The following MAP2K6 variants were observed in gnomAD, a reference collection of about 807,000 sequenced individuals.
MAP2K6 encodes the protein mitogen-activated protein kinase kinase 6.
A neutral mutation model predicts 53.7 loss-of-function variants in MAP2K6; 16 were observed. The ratio of observed to expected loss-of-function variants is 0.30; its 90% CI spans 0.20 to 0.45. MAP2K6 has a LOEUF of 0.45. Among genes scored for constraint, MAP2K6 ranks in the 20% least tolerant of loss-of-function variants. MAP2K6 has a pLI of 1.00. For synonymous variants in MAP2K6, 132 were observed against 143.1 expected (o/e 0.92, Z 0.55); for missense variants, 204 against 411.9 (o/e 0.50, Z 4.37).
Position 69,443,371 on chromosome 17 carries a change from A to G in MAP2K6, c.16+28371A>G, listed in dbSNP as rs528950284. On this transcript the variant is annotated intron_variant, in intron 1 of 11. Coordinates refer to ENST00000590474, the MANE Select transcript of MAP2K6 (RefSeq NM_002758.4). ...CCATGGAGGCTGTGTAGTTCTTCCC[A>G]TTTGGCCAGGTTACAAGCTTCAGGA... 2.0e-5 allele frequency among the ~76,000 whole-genome samples: 3 copies of G among 152,130 alleles called. No individual in the cohort carries two copies. The South Asian group carries it at 6.2e-4, about 32-fold the overall frequency.
chr17:69,450,983 C>T (rs1053751243), intron 1 of MAP2K6, among the ~76,000 whole-genome samples: 17 of 152,082 alleles, frequency 1.1e-4, no homozygotes, highest in African/African-American at 4.1e-4. Context: ...TTTATGTGAG[C>T]TGGATCCAGA....
At chr17:69,465,570 G>A (rs1375726070) in intron 1 of MAP2K6, among the ~76,000 whole-genome samples, 2 of 151,808 alleles carry the variant, frequency 1.3e-5, no homozygotes, top group Non-Finnish European at 2.9e-5. Flanking sequence ...GAGGTGACAA[G>A]GTAGGGGATG....
intron 1 of MAP2K6, among the ~76,000 whole-genome samples, chr17:69,496,154 G>A (rs184946255): frequency 2.6e-5 from 4 of 152,084 alleles, no homozygotes; most frequent in Non-Finnish European, 5.9e-5. Context: ...TCTTAAAATG[G>A]GGCCATTTCC....
rs1411232691 is a variant in MAP2K6 at position 69,545,654 on chromosome 17, T to A, written c.*3901T>A. On this transcript the variant is annotated 3_prime_UTR_variant, in exon 12 of 12. Transcript: ENST00000590474. ...ATACTTAATAGTTCAGTGTTTTAAG[T>A]AATTAGGTCCCAACAGCTTAATAAT... 2 of 152,204 alleles carry A rather than the reference T, an allele frequency of 1.3e-5. No homozygotes were observed. Among genetic ancestry groups the A allele is most frequent in the Non-Finnish European group, 2.9e-5 (2 of 68,044 alleles). 9.4% of individuals were successfully genotyped at this position (152,204 alleles called of 1,614,324 possible). A position where few individuals can be genotyped will look rare whatever the true frequency, so the allele number is the denominator to read the frequency against.
At chr17:69,517,461 T>A in intron 3 of MAP2K6, 39 bp from the exon 4 acceptor site, 2 of 1,177,234 alleles carry the variant, frequency 1.7e-6, no homozygotes, top group Non-Finnish European at 2.5e-6. Context: ...CTGTTTATTT[T>A]TCTCTTTCCC....
At chr17:69,538,047 T>G (rs1911439967) in intron 11 of MAP2K6, among the ~76,000 whole-genome samples, 2 of 152,080 alleles carry the variant, frequency 1.3e-5, no homozygotes, top group Admixed American at 6.5e-5. Context: ...TTAATTTTTA[T>G]TTTTTAGAGA....
intron 1 of MAP2K6, among the ~76,000 whole-genome samples, chr17:69,428,931 AACACACACAC>A (rs140138538): frequency 2.9e-5 from 4 of 137,266 alleles, no homozygotes; most frequent in African/African-American, 1.1e-4. Context: ...TAAATTAGAG[AACACACACAC>A]ACACACACAC....
rs1353678553 is a variant in MAP2K6, at chr17:69,549,396, T to A, written c.*7643T>A. The A allele has an allele frequency of 2.6e-5, 4 of 152,212 alleles. No homozygotes were observed. Among genetic ancestry groups the A allele is most frequent in the Non-Finnish European group, 4.4e-5 (3 of 68,026 alleles). 9.4% of individuals were successfully genotyped at this position (152,212 alleles called of 1,614,324 possible). Reference sequence around the variant, plus strand: ...GTGGGAAACAGAACTTTCTAAGTAATCTCTGGAGTTTGTAGCTTAGACCAG... The same window carrying A: ...GTGGGAAACAGAACTTTCTAAGTAAACTCTGGAGTTTGTAGCTTAGACCAG... On this transcript the variant is annotated 3_prime_UTR_variant, in exon 12 of 12. Coordinates refer to ENST00000590474, the MANE Select transcript of MAP2K6 (RefSeq NM_002758.4).
chr17:69,497,874 A>G (rs745368244), intron 1 of MAP2K6, among the ~76,000 whole-genome samples: 8 of 152,252 alleles, frequency 5.3e-5, no homozygotes, highest in Non-Finnish European at 1.0e-4. Context: ...GACATACAGT[A>G]TAACAAACCC....
chr17:69,512,328 G>GTTTTTTTTTTTTTTTTTTTTTT lies in MAP2K6; in HGVS notation c.84-4517_84-4516insTTTTTTTTTTTTTTTTTTTTTT, dbSNP rs796414361. On this transcript the variant is annotated intron_variant, in intron 2 of 11. Transcript: ENST00000590474. ...TTCTAATCTCATTGTCTTTCTAAGT[G>GTTTTTTTTTTTTTTTTTTTTTT]TTTTTTTTTTGTTTTTTTTTTTTTT... 1.9e-4 allele frequency among the ~76,000 whole-genome samples: 14 copies of GTTTTTTTTTTTTTTTTTTTTTT among 75,218 alleles called. 4 individuals are homozygous for GTTTTTTTTTTTTTTTTTTTTTT. The highest frequency in any genetic ancestry group is 2.0e-4 in the African/African-American group (4 of 20,502). 49.3% of individuals were successfully genotyped at this position (75,218 alleles called of 152,430 possible). A position where few individuals can be genotyped will look rare whatever the true frequency, so the allele number is the denominator to read the frequency against.
chr17:69,502,711 C>T, intron 1 of MAP2K6: 2 of 985,272 alleles, frequency 2.0e-6, no homozygotes, highest in Non-Finnish European at 2.4e-6. Flanking sequence ...ATGTGGGGGG[C>T]TGTGGGGGTG....
rs1276166207 is a variant in MAP2K6, at chr17:69,552,648, G to T, written c.*10895G>T. On this transcript the variant is annotated 3_prime_UTR_variant, in exon 12 of 12. Coordinates refer to ENST00000590474, the MANE Select transcript of MAP2K6 (RefSeq NM_002758.4). ...CTTGTGAGCTGAAGAAGGAAAGAAG[G>T]AGTTGGGGGTGTATATCTAACTGTG... 3.3e-5 allele frequency: 5 copies of T among 152,344 alleles called. No homozygotes were observed. The East Asian group carries it at 9.6e-4, about 29-fold the overall frequency. The allele number at this position is 152,344 out of a possible 1,614,324, so 9.4% of individuals were successfully genotyped here. A position where few individuals can be genotyped will look rare whatever the true frequency, so the allele number is the denominator to read the frequency against.
intron 5 of MAP2K6, chr17:69,519,796 A>G (rs763328111): frequency 8.7e-6 from 2 of 229,938 alleles, no homozygotes; most frequent in Admixed American, 1.1e-4. Context: ...TGTGTACTAT[A>G]TAGACTTACT....
intron 1 of MAP2K6, among the ~76,000 whole-genome samples, chr17:69,454,531 C>T (rs576538321): frequency 4.0e-4 from 61 of 151,974 alleles, no homozygotes; most frequent in East Asian, 1.2e-3. Context: ...ACTACAGGCA[C>T]GCATCACCAT....
intron 1 of MAP2K6, among the ~76,000 whole-genome samples, chr17:69,418,388 G>C (rs1323807381): frequency 7.2e-5 from 11 of 151,932 alleles, no homozygotes; most frequent in Admixed American, 7.2e-4. Flanking sequence ...TTTAAAATCT[G>C]AAAGATCTAC....
At chr17:69,475,209 C>T (rs1326898533) in intron 1 of MAP2K6, among the ~76,000 whole-genome samples, 1 of 135,790 alleles carries the variant, frequency 7.4e-6, no homozygotes, top group Non-Finnish European at 1.5e-5. Flanking sequence ...CACTGTGTCT[C>T]CCAGGTTGGA....
At chr17:69,432,693 T>A (rs1906503508) in intron 1 of MAP2K6, among the ~76,000 whole-genome samples, 1 of 151,760 alleles carries the variant, frequency 6.6e-6, no homozygotes, top group Non-Finnish European at 1.5e-5. Context: ...AAATAGCTAA[T>A]GCATGTGGGG....
At chr17:69,524,252 A>G (rs1910645006) in intron 8 of MAP2K6, among the ~76,000 whole-genome samples, 1 of 152,070 alleles carries the variant, frequency 6.6e-6, no homozygotes, top group Non-Finnish European at 1.5e-5. Context: ...CACAATACAT[A>G]TAGCCTGCAC....
intron 1 of MAP2K6, among the ~76,000 whole-genome samples, chr17:69,446,315 C>G (rs932478772): frequency 6.6e-6 from 1 of 152,174 alleles, no homozygotes; most frequent in Non-Finnish European, 1.5e-5. Context: ...AAGGATACAG[C>G]CTGGATTTAC....
Sources: allele counts gnomAD v4.1 joint callset (sites outside exome capture counted in the v4.1 genomes callset), GRCh38; gene constraint gnomAD v4.1.1; transcripts MANE v1.5; gene names NCBI Gene and HGNC (gene_info 2026-07-23, HGNC 2026-07-21).